The following HTR1F variants were observed in gnomAD, a reference collection of about 807,000 sequenced individuals.
HTR1F encodes 5-hydroxytryptamine (serotonin) receptor 1F, G protein-coupled.
A neutral mutation model predicts 24.0 loss-of-function variants in HTR1F; 17 were observed. The observed-to-expected ratio is 0.71, with a 90% CI of 0.48 to 1.06. The LOEUF (loss-of-function observed/expected upper bound fraction) is 1.06, where lower values mean the gene tolerates loss of function less well. Ranked by LOEUF, HTR1F falls within the 50% of genes least tolerant of loss-of-function variation. The probability of loss-of-function intolerance (pLI) is 0.00; values close to 1 mark genes in which losing one functional copy is unlikely to be tolerated. For synonymous variants in HTR1F, 186 were observed against 156.8 expected (o/e 1.19, Z -1.39); for missense variants, 391 against 427.8 (o/e 0.91, Z 0.76).
chr3:87,850,171 A>C (rs1303030916), intron 2 of HTR1F, among the ~76,000 whole-genome samples: 1 of 151,844 alleles, frequency 6.6e-6, no homozygotes, highest in Non-Finnish European at 1.5e-5. Flanking sequence ...AAGTTTATTG[A>C]GGCACTATTC....
At chr3:87,797,312 G>C (rs1703921217) in intron 1 of HTR1F, among the ~76,000 whole-genome samples, 1 of 152,148 alleles carries the variant, frequency 6.6e-6, no homozygotes. Context: ...AGGAACTACT[G>C]TATGTACATT....
At chr3:87,884,702 A>T (rs1705894013) in intron 2 of HTR1F, among the ~76,000 whole-genome samples, 1 of 152,132 alleles carries the variant, frequency 6.6e-6, no homozygotes, top group African/African-American at 2.4e-5. Context: ...TTGCAATCGT[A>T]GTCTGATAAA....
At chr3:87,849,428 C>A (rs1406057806) in intron 2 of HTR1F, among the ~76,000 whole-genome samples, 8 of 151,714 alleles carry the variant, frequency 5.3e-5, no homozygotes, top group Non-Finnish European at 1.2e-4. Flanking sequence ...AAACTGGATC[C>A]CTTTCTTACA....
intron 2 of HTR1F, among the ~76,000 whole-genome samples, chr3:87,857,060 C>T (rs2107220409): frequency 6.6e-6 from 1 of 152,088 alleles, no homozygotes; most frequent in East Asian, 1.9e-4. Flanking sequence ...TGATATGGCT[C>T]TACCTAGGAC....
At chr3:87,919,776 T>A (rs112918621) in intron 2 of HTR1F, among the ~76,000 whole-genome samples, 3 of 151,954 alleles carry the variant, frequency 2.0e-5, no homozygotes, top group Non-Finnish European at 4.4e-5. Context: ...GGTGGGAATA[T>A]AAACTATTAC....
At chr3:87,858,632 A>T (rs564670132) in intron 2 of HTR1F, among the ~76,000 whole-genome samples, 2 of 152,154 alleles carry the variant, frequency 1.3e-5, no homozygotes, top group African/African-American at 4.8e-5. Context: ...TGTAAAATTA[A>T]TTTTATCTGA....
At chr3:87,849,053 C>A (rs1383333151) in intron 2 of HTR1F, among the ~76,000 whole-genome samples, 3 of 151,364 alleles carry the variant, frequency 2.0e-5, no homozygotes, top group Non-Finnish European at 2.9e-5. Context: ...TACAGATTCA[C>A]TACCATCCCC....
chr3:87,967,707 T>C (rs1055512750), intron 2 of HTR1F, among the ~76,000 whole-genome samples: 2 of 152,176 alleles, frequency 1.3e-5, no homozygotes, highest in African/African-American at 2.4e-5. Context: ...CCTGGCACCA[T>C]GGAAGACATG....
chr3:87,934,492 G>A (rs1704363789), intron 2 of HTR1F, among the ~76,000 whole-genome samples: 1 of 152,160 alleles, frequency 6.6e-6, no homozygotes, highest in African/African-American at 2.4e-5. Context: ...AAAATCTAAT[G>A]ACTGGCTAGT....
chr3:87,970,512 G>A lies in HTR1F; in HGVS notation c.-42-20196G>A, dbSNP rs545725903. Reference sequence around the variant, plus strand: ...TTTCCCTGAGCGAGGGCCACACAGGGAATAGCTGGAGCTATTCTAAAATAA... The same window carrying A: ...TTTCCCTGAGCGAGGGCCACACAGGAAATAGCTGGAGCTATTCTAAAATAA... On this transcript the variant is annotated intron_variant, in intron 2 of 2. Transcript: ENST00000319595. 2.6e-5 allele frequency among the ~76,000 whole-genome samples: 4 copies of A among 152,286 alleles called. No individual in the cohort carries two copies. In the East Asian group the frequency reaches 5.8e-4, roughly 22 times the overall value.
chr3:87,890,336 C>T (rs1364000354), intron 2 of HTR1F, among the ~76,000 whole-genome samples: 3 of 152,188 alleles, frequency 2.0e-5, no homozygotes, highest in Non-Finnish European at 4.4e-5. Context: ...GCAACTTTTG[C>T]AGCTTTTATA....
At chr3:87,916,362 G>T (rs1381881397) in intron 2 of HTR1F, among the ~76,000 whole-genome samples, 1 of 144,022 alleles carries the variant, frequency 6.9e-6, no homozygotes, top group Non-Finnish European at 1.5e-5. Flanking sequence ...CATGAAGAAT[G>T]GAATGGTACC....
chr3:87,971,009 C>T (rs1705274985), intron 2 of HTR1F, among the ~76,000 whole-genome samples: 1 of 152,156 alleles, frequency 6.6e-6, no homozygotes, highest in Non-Finnish European at 1.5e-5. Flanking sequence ...CCTTCATGAT[C>T]CCTGCCTCCT....
chr3:87,863,369 A>T (rs1278304796), intron 2 of HTR1F, among the ~76,000 whole-genome samples: 1 of 152,172 alleles, frequency 6.6e-6, no homozygotes, highest in Non-Finnish European at 1.5e-5. Context: ...TTTTTCAAAC[A>T]TTTTATTTGT....
chr3:87,879,747 A>G (rs1705748209), intron 2 of HTR1F, among the ~76,000 whole-genome samples: 1 of 152,154 alleles, frequency 6.6e-6, no homozygotes, highest in Non-Finnish European at 1.5e-5. Context: ...TTATGGAGTT[A>G]ACCAACACAT....
Position 87,939,730 on chromosome 3 carries a change from T to C in HTR1F, c.-42-50978T>C, listed in dbSNP as rs2687108. Among the ~76,000 whole-genome samples the C allele has an allele frequency of 8.8e-4, 134 of 152,338 alleles. 2 individuals are homozygous for C. The East Asian group carries it at 0.022, about 25-fold the overall frequency. On this transcript the variant is annotated intron_variant, in intron 2 of 2. Coordinates refer to ENST00000319595, the MANE Select transcript of HTR1F (RefSeq NM_001322209.2). ...TCATATCCCCTTTGTCATTTTTTAT[T>C]GTGTCTAATTGATTCTTCTCTCTTT... is the stretch of plus-strand genomic sequence containing the variant.
At chr3:87,798,038 C>T (rs1404724006) in intron 1 of HTR1F, among the ~76,000 whole-genome samples, 1 of 152,156 alleles carries the variant, frequency 6.6e-6, no homozygotes, top group Non-Finnish European at 1.5e-5. Flanking sequence ...ATTCCTAAAG[C>T]TAAGTGTGCT....
intron 1 of HTR1F, among the ~76,000 whole-genome samples, chr3:87,801,525 A>G (rs912665074): frequency 2.6e-5 from 4 of 152,192 alleles, no homozygotes; most frequent in African/African-American, 7.2e-5. Context: ...ACGTCAATCA[A>G]TATATGTAAG....
chr3:87,900,313 TC>T (rs1186121694), intron 2 of HTR1F, among the ~76,000 whole-genome samples: 1 of 152,068 alleles, frequency 6.6e-6, no homozygotes, highest in Non-Finnish European at 1.5e-5. Context: ...GGCAGCAGAA[TC>T]AAAAAGTGCA....
Sources: gnomAD v4.1 joint callset for allele counts (sites outside exome capture counted in the v4.1 genomes callset) on GRCh38, gnomAD v4.1.1 for gene constraint, MANE v1.5 for transcripts, NCBI Gene and HGNC (gene_info 2026-07-23, HGNC 2026-07-21) for gene names.